The following SLC25A21 variants were observed in gnomAD, a reference collection of about 807,000 sequenced individuals.
SLC25A21 encodes solute carrier family 25 member 21, also known as mitochondrial 2-oxodicarboxylate carrier.
SLC25A21 carries 47 observed loss-of-function variants against 43.8 expected under a neutral mutation model. The ratio of observed to expected loss-of-function variants is 1.07; its 90% CI spans 0.85 to 1.37. The LOEUF (loss-of-function observed/expected upper bound fraction) is 1.37. Ranked by LOEUF, SLC25A21 falls within the 40% of genes most tolerant of loss-of-function variation. The pLI, the probability that SLC25A21 is intolerant of heterozygous loss-of-function variation, is 0.00. For synonymous variants in SLC25A21, 131 were observed against 121.3 expected (o/e 1.08, Z -0.52); for missense variants, 352 against 350.2 (o/e 1.00, Z -0.04).
At chr14:37,032,156 A>G (rs936113843) in intron 1 of SLC25A21, among the ~76,000 whole-genome samples, 1 of 152,232 alleles carries the variant, frequency 6.6e-6, no homozygotes, top group African/African-American at 2.4e-5. Context: ...AAAATATTAC[A>G]TATAAATCAC....
At chr14:36,900,973 C>T (rs1891382792) in intron 1 of SLC25A21, among the ~76,000 whole-genome samples, 1 of 152,104 alleles carries the variant, frequency 6.6e-6, no homozygotes. Context: ...GTATCCCAAA[C>T]CACTTTACAG....
At chr14:37,002,646 A>T (rs1259536575) in intron 1 of SLC25A21, among the ~76,000 whole-genome samples, 1 of 152,194 alleles carries the variant, frequency 6.6e-6, no homozygotes, top group Non-Finnish European at 1.5e-5. Flanking sequence ...ATGATTAAAA[A>T]ACAAGAAGAA....
chr14:37,084,281 C>A (rs1962442512), intron 1 of SLC25A21, among the ~76,000 whole-genome samples: 1 of 152,206 alleles, frequency 6.6e-6, no homozygotes, highest in Admixed American at 6.5e-5. Flanking sequence ...TTTAGCATTT[C>A]TGTTCCCTCT....
At chr14:37,040,248 A>AAGGG (rs1397612718) in intron 1 of SLC25A21, among the ~76,000 whole-genome samples, 1 of 2,218 alleles carries the variant, frequency 4.5e-4, no homozygotes, top group African/African-American at 1.5e-3. Context: ...GGAAGGGAGG[A>AAGGG]AGGGAGGGAG....
intron 4 of SLC25A21, among the ~76,000 whole-genome samples, chr14:36,731,836 T>C (rs1739177702): frequency 6.6e-6 from 1 of 152,192 alleles, no homozygotes; most frequent in Admixed American, 6.5e-5. Flanking sequence ...TCCTGTGGAC[T>C]CTGGCTGCCC....
intron 2 of SLC25A21, among the ~76,000 whole-genome samples, chr14:36,856,226 G>C (rs1320386997): frequency 6.6e-6 from 1 of 152,192 alleles, no homozygotes; most frequent in Non-Finnish European, 1.5e-5. Context: ...GACTGACTCT[G>C]TTTATTGTTG....
At chr14:37,114,788 C>CGG (rs145974273) in intron 1 of SLC25A21, among the ~76,000 whole-genome samples, 8 of 150,542 alleles carry the variant, frequency 5.3e-5, no homozygotes, top group East Asian at 2.0e-4. Flanking sequence ...ATTTTTATGG[C>CGG]GGGGGGGGAA....
At chr14:36,872,282 T>C (rs1311478073) in intron 2 of SLC25A21, among the ~76,000 whole-genome samples, 5 of 152,300 alleles carry the variant, frequency 3.3e-5, no homozygotes, top group Non-Finnish European at 7.3e-5. Context: ...TGGGGTTCTA[T>C]TTCTGCCTAA....
At chr14:37,036,671 T>C (rs1961333572) in intron 1 of SLC25A21, among the ~76,000 whole-genome samples, 2 of 141,394 alleles carry the variant, frequency 1.4e-5, no homozygotes, top group East Asian at 2.0e-4. Context: ...TCAATAGATA[T>C]GGTTTATTTT....
chr14:36,858,568 T>A (rs1370571948), intron 2 of SLC25A21, among the ~76,000 whole-genome samples: 1 of 152,150 alleles, frequency 6.6e-6, no homozygotes, highest in Admixed American at 6.5e-5. Flanking sequence ...TATTGAACCC[T>A]GAGTTTGTAT....
intron 1 of SLC25A21, among the ~76,000 whole-genome samples, chr14:37,120,127 C>T (rs1344795422): frequency 2.6e-5 from 4 of 152,142 alleles, no homozygotes; most frequent in East Asian, 3.9e-4. Flanking sequence ...TAATTCAAAA[C>T]GTCAAGACAG....
intron 3 of SLC25A21, among the ~76,000 whole-genome samples, chr14:36,776,129 G>A (rs1886811929): frequency 6.7e-6 from 1 of 148,322 alleles, no homozygotes; most frequent in Non-Finnish European, 1.5e-5. Flanking sequence ...TCCTCTTTTT[G>A]TACTCTTGGT....
At chr14:37,061,096 C>T (rs1961939005) in intron 1 of SLC25A21, among the ~76,000 whole-genome samples, 1 of 152,116 alleles carries the variant, frequency 6.6e-6, no homozygotes, top group Non-Finnish European at 1.5e-5. Flanking sequence ...CAAGGACAGT[C>T]CAGCTGGGAT....
At chr14:36,942,015 G>C (rs1263979117) in intron 1 of SLC25A21, among the ~76,000 whole-genome samples, 1 of 151,678 alleles carries the variant, frequency 6.6e-6, no homozygotes. Flanking sequence ...AACAAAACTG[G>C]TAAAATTTTG....
chr14:36,710,666 G>A lies in SLC25A21; in HGVS notation c.603+652C>T, dbSNP rs534821185. 1.1e-4 allele frequency among the ~76,000 whole-genome samples: 17 copies of A among 152,218 alleles called. No homozygotes were observed. In the South Asian group the frequency reaches 3.5e-3, roughly 32 times the overall value. On this transcript the variant is annotated intron_variant, in intron 7 of 9. Transcript: ENST00000331299. ...CTGGTTTCAAAACTCCTGGCATCAA[G>A]CAATCCTCCTGCCTTTGCCTCTCAA... is the stretch of plus-strand genomic sequence containing the variant.
chr14:37,147,330 T>C (rs1323191306), intron 1 of SLC25A21, among the ~76,000 whole-genome samples: 1 of 152,210 alleles, frequency 6.6e-6, no homozygotes, highest in African/African-American at 2.4e-5. Context: ...TTGAAAGAAA[T>C]GTCAAAAATT....
chr14:36,747,529 AT>A, intron 3 of SLC25A21, among the ~76,000 whole-genome samples: 1 of 152,258 alleles, frequency 6.6e-6, no homozygotes, highest in South Asian at 2.1e-4. Context: ...AAGCCTCAGA[AT>A]TCAGAGATGT....
intron 1 of SLC25A21, among the ~76,000 whole-genome samples, chr14:36,987,713 A>G (rs894953350): frequency 3.6e-4 from 55 of 152,186 alleles, no homozygotes; most frequent in Non-Finnish European, 1.6e-4. Flanking sequence ...CATTTTTCCT[A>G]TTATACATAA....
chr14:37,063,501 TCATGTCAC>T (rs1961994337), intron 1 of SLC25A21, among the ~76,000 whole-genome samples: 2 of 151,694 alleles, frequency 1.3e-5, no homozygotes, highest in Non-Finnish European at 2.9e-5. Context: ...ACTACGTAAA[TCATGTCAC>T]CTGGGTATCC....
Sources: gnomAD v4.1 joint callset for allele counts (sites outside exome capture counted in the v4.1 genomes callset) on GRCh38, gnomAD v4.1.1 for gene constraint, MANE v1.5 for transcripts, NCBI Gene and HGNC (gene_info 2026-07-23, HGNC 2026-07-21) for gene names.